SRGAP1: variants seen among roughly 807,000 people sequenced by gnomAD.
The protein encoded by SRGAP1 is SLIT-ROBO Rho GTPase activating protein 1, also known as SLIT-ROBO Rho GTPase-activating protein 1.
In SRGAP1, 43 loss-of-function variants were observed where a neutral mutation model predicts 121.9. The observed-to-expected ratio is 0.35, with a 90% CI of 0.28 to 0.46. SRGAP1 has a LOEUF of 0.46. SRGAP1 is among the 20% of genes least tolerant of loss of function. The probability of loss-of-function intolerance (pLI) is 1.00; values close to 1 mark genes in which losing one functional copy is unlikely to be tolerated. For synonymous variants in SRGAP1, 447 were observed against 485.4 expected, an observed-to-expected ratio of 0.92 and a Z score of 1.04; for missense variants, 1,102 against 1,350.9, an observed-to-expected ratio of 0.82 and a Z score of 2.89.
chr12:63,917,268 T>C (rs1158230670), intron 1 of SRGAP1, among the ~76,000 whole-genome samples: 1 of 152,150 alleles, frequency 6.6e-6, no homozygotes, highest in African/African-American at 2.4e-5. Flanking sequence ...TCATCTGGGA[T>C]TCTCCTGAGT....
chr12:64,126,896 A>C (rs374824160), intron 19 of SRGAP1, among the ~76,000 whole-genome samples: 2 of 152,364 alleles, frequency 1.3e-5, no homozygotes, highest in East Asian at 3.9e-4. Flanking sequence ...GTACCACACA[A>C]TGACATTTTG....
chr12:64,120,119 C>T (rs901978017), intron 18 of SRGAP1, among the ~76,000 whole-genome samples: 1 of 152,090 alleles, frequency 6.6e-6, no homozygotes, highest in Non-Finnish European at 1.5e-5. Flanking sequence ...GCTTTTATAT[C>T]TGCTGCTTGA....
At chr12:64,045,008 T>G (rs1276650159) in intron 6 of SRGAP1, among the ~76,000 whole-genome samples, 2 of 152,052 alleles carry the variant, frequency 1.3e-5, no homozygotes, top group South Asian at 4.1e-4. Flanking sequence ...CTGATGTGAA[T>G]TTTTTCTTTT....
rs911816078 is a variant in SRGAP1, at chr12:64,153,954, G to A, written c.*11282G>A. 2 of 152,186 alleles carry A rather than the reference G, an allele frequency of 1.3e-5. No individual in the cohort carries two copies. The highest frequency in any genetic ancestry group is 2.9e-5 in the Non-Finnish European group (2 of 68,030). 9.4% of individuals were successfully genotyped at this position (152,186 alleles called of 1,614,324 possible). A position where few individuals can be genotyped will look rare whatever the true frequency, so the allele number is the denominator to read the frequency against. On this transcript the variant is annotated 3_prime_UTR_variant, in exon 22 of 22. Transcript: ENST00000355086. ...CCATACACATAAAATAGAATATTATGCAGCCTTAAAAAAGAAGGAATTCCT... is the reference window on the plus strand; with the variant it reads ...CCATACACATAAAATAGAATATTATACAGCCTTAAAAAAGAAGGAATTCCT...
At chr12:64,089,974 A>G (rs2036018114) in intron 11 of SRGAP1, among the ~76,000 whole-genome samples, 1 of 152,258 alleles carries the variant, frequency 6.6e-6, no homozygotes, top group African/African-American at 2.4e-5. Context: ...GAACTAAAAA[A>G]GATAAATTTT....
rs766765806 is a variant in SRGAP1 at position 64,042,981 on chromosome 12, A to G, written c.672+9A>G. The G allele has an allele frequency of 6.9e-6, 11 of 1,596,730 alleles. No homozygotes were observed. In the African/African-American group the frequency reaches 1.5e-4, roughly 21 times the overall value. On this transcript the variant is annotated intron_variant, in intron 5 of 21. Coordinates refer to ENST00000355086, the MANE Select transcript of SRGAP1 (RefSeq NM_020762.4). ...AAAAAATGAAAGAAAAAGTAAGTAA[A>G]GAGATTGCAGAGCTCTTCTGCCTTC...
chr12:64,014,419 C>T (rs2136460782), intron 3 of SRGAP1, among the ~76,000 whole-genome samples: 1 of 152,208 alleles, frequency 6.6e-6, no homozygotes, highest in Admixed American at 6.5e-5. Flanking sequence ...GACTTGTCAG[C>T]ACATGGACAC....
intron 1 of SRGAP1, among the ~76,000 whole-genome samples, chr12:63,855,491 T>G (rs1440733441): frequency 1.1e-4 from 14 of 132,530 alleles, no homozygotes; most frequent in African/African-American, 1.7e-4. Context: ...TTTTTTTTTT[T>G]TTTTTTTTTT....
rs896664641 is a variant in SRGAP1 at position 63,871,603 on chromosome 12, C to T, written c.67+26720C>T. ...GGTTTTTTGTAGGTTATGGCTCATGCAAGTTAGTGTGAGGTTGGGAGTTTT... is the reference window on the plus strand; with the variant it reads ...GGTTTTTTGTAGGTTATGGCTCATGTAAGTTAGTGTGAGGTTGGGAGTTTT... On this transcript the variant is annotated intron_variant, in intron 1 of 21. Coordinates refer to ENST00000355086, the MANE Select transcript of SRGAP1 (RefSeq NM_020762.4). The T allele has an allele frequency of 1.2e-5, 6 of 513,492 alleles. No individual in the cohort carries two copies. The East Asian group carries it at 1.7e-4, about 15-fold the overall frequency. 31.8% of individuals were successfully genotyped at this position (513,492 alleles called of 1,614,324 possible). A position where few individuals can be genotyped will look rare whatever the true frequency, so the allele number is the denominator to read the frequency against.
At position 64,148,711 on chromosome 12, in the gene SRGAP1, C is replaced by T. The variant is rs1328590129; in HGVS notation, c.*6039C>T. 2.6e-5 allele frequency: 4 copies of T among 152,150 alleles called. No individual in the cohort carries two copies. The highest frequency in any genetic ancestry group is 6.5e-5 in the Admixed American group (1 of 15,278). The allele number at this position is 152,150 out of a possible 1,614,324, so 9.4% of individuals were successfully genotyped here. ...ATAAGATATAAAGTTTAAAAAATGA[C>T]AGGCAAATCAAGGAAAAACACTTTT... On this transcript the variant is annotated 3_prime_UTR_variant, in exon 22 of 22. Coordinates refer to ENST00000355086, the MANE Select transcript of SRGAP1 (RefSeq NM_020762.4).
At chr12:63,973,681 G>C (rs1234378299) in intron 1 of SRGAP1, among the ~76,000 whole-genome samples, 1 of 152,066 alleles carries the variant, frequency 6.6e-6, no homozygotes, top group Non-Finnish European at 1.5e-5. Context: ...GCTTTAATTT[G>C]AAAAAGGCTC....
chr12:64,070,165 T>G (rs2035614328), intron 8 of SRGAP1, among the ~76,000 whole-genome samples: 2 of 152,250 alleles, frequency 1.3e-5, no homozygotes, highest in South Asian at 4.1e-4. Context: ...TATCAAAGTT[T>G]GCATTTAACC....
At chr12:64,000,275 T>TGTGTGTGTGTG (rs1555163998) in intron 3 of SRGAP1, among the ~76,000 whole-genome samples, 2 of 133,382 alleles carry the variant, frequency 1.5e-5, no homozygotes, top group Non-Finnish European at 3.2e-5. Flanking sequence ...TGTGTGTGTG[T>TGTGTGTGTGTG]AAAAAAAAAA....
intron 17 of SRGAP1, among the ~76,000 whole-genome samples, chr12:64,113,362 C>T (rs970522025): frequency 5.9e-5 from 9 of 152,042 alleles, no homozygotes; most frequent in Admixed American, 4.6e-4. Context: ...GAGCCAAGAT[C>T]GCGCCACTGC....
chr12:63,884,070 G>A (rs747721892), intron 1 of SRGAP1, among the ~76,000 whole-genome samples: 3 of 151,360 alleles, frequency 2.0e-5, no homozygotes, highest in Non-Finnish European at 4.4e-5. Context: ...ATCACTTGAG[G>A]TCAGGAGTTT....
chr12:64,028,941 G>A (rs2034713308), intron 4 of SRGAP1, among the ~76,000 whole-genome samples: 1 of 152,182 alleles, frequency 6.6e-6, no homozygotes, highest in Non-Finnish European at 1.5e-5. Flanking sequence ...GGCTTGACAT[G>A]TATTCATTTA....
intron 1 of SRGAP1, among the ~76,000 whole-genome samples, chr12:63,899,602 G>A (rs11175206): frequency 0.078 from 11,797 of 152,076 alleles, 626 homozygotes; most frequent in East Asian, 0.24. Flanking sequence ...TAACACCTCC[G>A]CGTTTGCCTT....
In SRGAP1 at chr12:64,161,757, AAC is replaced by A. The variant is rs1326845985; in HGVS notation, c.*19087_*19088del. ...CAAGCACTAAAGAAGGGCACTAAAA[AAC>A]AGATTGTCATAGCAGTATTATCCAT... On this transcript the variant is annotated 3_prime_UTR_variant, in exon 22 of 22. Coordinates refer to ENST00000355086, the MANE Select transcript of SRGAP1 (RefSeq NM_020762.4). 2.6e-5 allele frequency: 4 copies of A among 152,334 alleles called. No homozygotes were observed. The highest frequency in any genetic ancestry group is 3.4e-3 in the Middle Eastern group (1 of 294). 9.4% of individuals were successfully genotyped at this position (152,334 alleles called of 1,614,324 possible). A position where few individuals can be genotyped will look rare whatever the true frequency, so the allele number is the denominator to read the frequency against.
At chr12:64,090,701 A>G (rs1342122429) in intron 11 of SRGAP1, among the ~76,000 whole-genome samples, 1 of 152,176 alleles carries the variant, frequency 6.6e-6, no homozygotes, top group Non-Finnish European at 1.5e-5. Context: ...TTAGCTGGGC[A>G]TGATGGCATG....
Sources: gnomAD v4.1 joint callset for allele counts (sites outside exome capture counted in the v4.1 genomes callset) on GRCh38, gnomAD v4.1.1 for gene constraint, MANE v1.5 for transcripts, NCBI Gene and HGNC (gene_info 2026-07-23, HGNC 2026-07-21) for gene names.